Variants in UNC5C observed in about 807,000 individuals in gnomAD.
The protein encoded by UNC5C is netrin receptor UNC5C.
UNC5C carries 47 observed loss-of-function variants against 99.8 expected under a neutral mutation model. The ratio of observed to expected loss-of-function variants is 0.47; its 90% confidence interval spans 0.37 to 0.60. The LOEUF (loss-of-function observed/expected upper bound fraction) is 0.60, where lower values mean the gene tolerates loss of function less well. UNC5C is among the 20% of genes least tolerant of loss of function. The pLI is 0.00. For synonymous variants in UNC5C, 487 were observed against 452.2 expected, an observed-to-expected ratio of 1.08 and a Z score of -0.98; for missense variants, 1,062 against 1,165.9, an observed-to-expected ratio of 0.91 and a Z score of 1.30.
chr4:95,363,337 G>A (rs554275430), intron 1 of UNC5C, among the ~76,000 whole-genome samples: 2 of 152,202 alleles, frequency 1.3e-5, no homozygotes, highest in South Asian at 2.1e-4. Flanking sequence ...ACAAAATGTC[G>A]CATCCCAGGA....
chr4:95,260,080 A>T (rs1387365917), intron 4 of UNC5C, among the ~76,000 whole-genome samples: 1 of 152,146 alleles, frequency 6.6e-6, no homozygotes, highest in African/African-American at 2.4e-5. Flanking sequence ...TGTTGGTCCT[A>T]TGACTGCACT....
intron 1 of UNC5C, among the ~76,000 whole-genome samples, chr4:95,384,246 G>T (rs1745148865): frequency 2.0e-5 from 3 of 152,210 alleles, no homozygotes; most frequent in Admixed American, 6.6e-5. Flanking sequence ...TTCTGTACCT[G>T]GTCTTGGAAA....
chr4:95,242,903 T>C (rs1442283071), intron 6 of UNC5C, among the ~76,000 whole-genome samples: 2 of 152,124 alleles, frequency 1.3e-5, no homozygotes, highest in African/African-American at 4.8e-5. Context: ...TTCCTATTAA[T>C]GGGGGAGCTT....
intron 2 of UNC5C, among the ~76,000 whole-genome samples, chr4:95,328,040 C>CTTTTTTTTTTTTTTTTTTTT (rs34794058): frequency 6.9e-5 from 6 of 87,074 alleles, no homozygotes; most frequent in East Asian, 4.7e-4. Flanking sequence ...CAGGCAACTT[C>CTTTTTTTTTTTTTTTTTTTT]TTTTTTTTTT....
rs547558112 is a variant in UNC5C at position 95,174,300 on chromosome 4, C to G, written c.2452-3968G>C. On this transcript the variant is annotated intron_variant, in intron 14 of 15. Coordinates refer to ENST00000453304, the MANE Select transcript of UNC5C (RefSeq NM_003728.4). Reference sequence around the variant, plus strand: ...TTCTGCTAGCTTTTGAATGTGTTTGCTCTTGCTTTTCTAGTTCTTTTAATT... The same window carrying G: ...TTCTGCTAGCTTTTGAATGTGTTTGGTCTTGCTTTTCTAGTTCTTTTAATT... 6.7e-4 allele frequency among the ~76,000 whole-genome samples: 102 copies of G among 151,890 alleles called. 1 individual carries two copies. In the South Asian group the frequency reaches 0.019, roughly 28 times the overall value.
intron 3 of UNC5C, among the ~76,000 whole-genome samples, chr4:95,284,070 C>G (rs1335862379): frequency 2.0e-5 from 3 of 151,958 alleles, no homozygotes; most frequent in Non-Finnish European, 2.9e-5. Flanking sequence ...TGGACACACA[C>G]ATGTGCATAC....
In UNC5C at chr4:95,170,238, C is replaced by T. The variant is rs751028526; in HGVS notation, c.2546G>A (p.Arg849Gln). 10 of 1,613,944 alleles carry T rather than the reference C, an allele frequency of 6.2e-6. No individual in the cohort carries two copies. Among genetic ancestry groups the T allele is most frequent in the Admixed American group, 3.3e-5 (2 of 59,988 alleles). The change falls in exon 15 of 16, where the codon CGG (arginine) becomes CAG (glutamine). Residue 849 changes from arginine (R) to glutamine (Q), a missense_variant. By Grantham distance (43) the Arg-to-Gln change is conservative. Around this residue, in one of 3 missense-constraint regions of UNC5C, gnomAD observed 810 missense variants for 854.5 expected, o/e 0.95. Coordinates refer to ENST00000453304, the MANE Select transcript of UNC5C (RefSeq NM_003728.4). ...PSAFSIPLPI[R>Q]QKLCSSLDAP... is the part of the protein sequence containing the mutation. ...ATCCAGGCTGCTACAGAGCTTCTGC[C>T]GGATAGGGAGAGGGATGCTGAAAGC...
At chr4:95,494,145 A>C (rs7441511) in intron 1 of UNC5C, among the ~76,000 whole-genome samples, 1 of 151,372 alleles carries the variant, frequency 6.6e-6, no homozygotes, top group Non-Finnish European at 1.5e-5. Flanking sequence ...TGAGTAAAAA[A>C]GGAAAGATGT....
At chr4:95,393,815 A>G (rs1745427333) in intron 1 of UNC5C, among the ~76,000 whole-genome samples, 1 of 151,800 alleles carries the variant, frequency 6.6e-6, no homozygotes, top group South Asian at 2.1e-4. Flanking sequence ...CTTTAGAAAT[A>G]TAGAATCCAA....
intron 4 of UNC5C, among the ~76,000 whole-genome samples, chr4:95,258,357 C>A (rs910671076): frequency 2.0e-5 from 3 of 152,156 alleles, no homozygotes; most frequent in Non-Finnish European, 4.4e-5. Flanking sequence ...TTCTCTACTC[C>A]TTCCATTGAA....
At chr4:95,299,125 A>T (rs1300755201) in intron 3 of UNC5C, among the ~76,000 whole-genome samples, 3 of 152,148 alleles carry the variant, frequency 2.0e-5, no homozygotes, top group Non-Finnish European at 4.4e-5. Context: ...GGGATATAAG[A>T]CTTTTAAAGA....
intron 4 of UNC5C, among the ~76,000 whole-genome samples, chr4:95,261,514 T>A (rs1740225157): frequency 6.6e-6 from 1 of 152,062 alleles, no homozygotes; most frequent in Non-Finnish European, 1.5e-5. Context: ...ACAAACTAAA[T>A]CATATAAAGT....
intron 14 of UNC5C, among the ~76,000 whole-genome samples, chr4:95,181,758 G>C (rs988847123): frequency 6.6e-6 from 1 of 152,150 alleles, no homozygotes; most frequent in Non-Finnish European, 1.5e-5. Context: ...CCGCACCTCG[G>C]CAGGCTGTGG....
intron 12 of UNC5C, among the ~76,000 whole-genome samples, chr4:95,185,633 T>TACTC (rs1179726166): frequency 2.6e-5 from 4 of 152,202 alleles, no homozygotes; most frequent in Non-Finnish European, 4.4e-5. Flanking sequence ...CTAGAAGAGA[T>TACTC]ACTCATTCCT....
At chr4:95,212,278 T>C (rs1054976398) in intron 10 of UNC5C, among the ~76,000 whole-genome samples, 2 of 152,176 alleles carry the variant, frequency 1.3e-5, no homozygotes, top group Admixed American at 1.3e-4. Flanking sequence ...TTGACAAATC[T>C]AATAATCTTT....
intron 2 of UNC5C, among the ~76,000 whole-genome samples, chr4:95,306,687 A>G (rs1560778957): frequency 6.6e-6 from 1 of 152,078 alleles, no homozygotes; most frequent in Non-Finnish European, 1.5e-5. Context: ...ATTCCTCTCC[A>G]TGGCTTTATC....
intron 1 of UNC5C, among the ~76,000 whole-genome samples, chr4:95,524,689 T>G (rs1039289562): frequency 6.6e-6 from 1 of 152,128 alleles, no homozygotes; most frequent in African/African-American, 2.4e-5. Context: ...CGTAACCTCA[T>G]TGGTCCCAGT....
intron 1 of UNC5C, among the ~76,000 whole-genome samples, chr4:95,521,760 G>A (rs2149490515): frequency 6.6e-6 from 1 of 152,200 alleles, no homozygotes; most frequent in South Asian, 2.1e-4. Flanking sequence ...CAAAAATGTG[G>A]ACTCTAAAAA....
intron 10 of UNC5C, among the ~76,000 whole-genome samples, chr4:95,208,961 A>G (rs954268009): frequency 6.6e-5 from 10 of 152,218 alleles, no homozygotes; most frequent in African/African-American, 2.2e-4. Context: ...TATTGTTGGA[A>G]GACAATTATC....
Sources: allele counts gnomAD v4.1 joint callset (sites outside exome capture counted in the v4.1 genomes callset), GRCh38; gene constraint gnomAD v4.1.1; regional missense constraint gnomAD v4.1.1; transcripts MANE v1.5; gene names NCBI Gene and HGNC (gene_info 2026-07-23, HGNC 2026-07-21).